The following GRXCR1 variants were observed in gnomAD, a reference collection of about 807,000 sequenced individuals.
The protein encoded by GRXCR1 is glutaredoxin and cysteine rich domain containing 1, also known as glutaredoxin domain-containing cysteine-rich protein 1.
A neutral mutation model predicts 27.3 loss-of-function variants in GRXCR1; 27 were observed. The ratio of observed to expected loss-of-function variants is 0.99; its 90% CI spans 0.73 to 1.37. The LOEUF (loss-of-function observed/expected upper bound fraction) is 1.37, where lower values mean the gene tolerates loss of function less well. GRXCR1 is among the 40% of genes most tolerant of loss of function. The pLI is 0.00. For missense variants in GRXCR1, 379 were observed against 354.4 expected (o/e 1.07, Z -0.56); for synonymous variants, 122 against 131.1 (o/e 0.93, Z 0.47).
At chr4:42,949,714 T>C (rs1747836508) in intron 1 of GRXCR1, among the ~76,000 whole-genome samples, 1 of 152,178 alleles carries the variant, frequency 6.6e-6, no homozygotes, top group South Asian at 2.1e-4. Context: ...CTTACTTCCC[T>C]GGAGTTCAGT....
At chr4:43,029,067 T>C (rs980474748) in intron 3 of GRXCR1, among the ~76,000 whole-genome samples, 1 of 152,224 alleles carries the variant, frequency 6.6e-6, no homozygotes, top group African/African-American at 2.4e-5. Flanking sequence ...CAATATTAGA[T>C]TGATGTTTTG....
chr4:42,988,560 G>T (rs1711854364), intron 2 of GRXCR1, among the ~76,000 whole-genome samples: 1 of 152,152 alleles, frequency 6.6e-6, no homozygotes, highest in African/African-American at 2.4e-5. Context: ...AATAAAAGTA[G>T]AATTAAATGT....
At chr4:42,931,440 G>T (rs1479250835) in intron 1 of GRXCR1, among the ~76,000 whole-genome samples, 3 of 151,794 alleles carry the variant, frequency 2.0e-5, no homozygotes, top group Non-Finnish European at 4.4e-5. Flanking sequence ...TTTTTTGTTG[G>T]TAGGGGGAGA....
intron 3 of GRXCR1, among the ~76,000 whole-genome samples, chr4:43,022,361 ATTC>A (rs906179033): frequency 7.2e-5 from 11 of 152,238 alleles, no homozygotes; most frequent in African/African-American, 2.4e-4. Context: ...TGAGTCTGTA[ATTC>A]TTCAATTCTA....
At chr4:42,924,606 G>A (rs1747103142) in intron 1 of GRXCR1, among the ~76,000 whole-genome samples, 1 of 151,936 alleles carries the variant, frequency 6.6e-6, no homozygotes, top group African/African-American at 2.4e-5. Context: ...TAACAAAAAT[G>A]TTTGGAAGAC....
intron 2 of GRXCR1, among the ~76,000 whole-genome samples, chr4:43,002,083 A>G (rs1172124419): frequency 6.6e-6 from 1 of 152,228 alleles, no homozygotes; most frequent in Non-Finnish European, 1.5e-5. Flanking sequence ...TCAGAATCGA[A>G]CAAATGTACA....
At chr4:42,981,229 G>C (rs993945611) in intron 2 of GRXCR1, among the ~76,000 whole-genome samples, 1 of 142,136 alleles carries the variant, frequency 7.0e-6, no homozygotes, top group Admixed American at 7.2e-5. Flanking sequence ...GCTATGCTTT[G>C]TAGTTATCAT....
At chr4:43,009,178 C>A (rs2109801395) in intron 2 of GRXCR1, among the ~76,000 whole-genome samples, 1 of 152,280 alleles carries the variant, frequency 6.6e-6, no homozygotes, top group Non-Finnish European at 1.5e-5. Flanking sequence ...TTTATTAATC[C>A]TCCATGGATA....
At chr4:42,899,272 C>T (rs1214296327) in intron 1 of GRXCR1, among the ~76,000 whole-genome samples, 1 of 152,010 alleles carries the variant, frequency 6.6e-6, no homozygotes, top group Non-Finnish European at 1.5e-5. Context: ...TGATCATTTT[C>T]AATCATTCAT....
intron 1 of GRXCR1, among the ~76,000 whole-genome samples, chr4:42,941,537 C>G (rs1157431492): frequency 1.3e-5 from 2 of 151,962 alleles, no homozygotes. Flanking sequence ...TTTTTCAGCT[C>G]CTGAAAAACC....
intron 2 of GRXCR1, among the ~76,000 whole-genome samples, chr4:42,978,451 C>A (rs1748574515): frequency 6.6e-6 from 1 of 151,810 alleles, no homozygotes; most frequent in African/African-American, 2.4e-5. Context: ...AATATCTGTT[C>A]ATTTATTTGT....
intron 1 of GRXCR1, among the ~76,000 whole-genome samples, chr4:42,934,882 A>T (rs1747421095): frequency 6.6e-6 from 1 of 151,996 alleles, no homozygotes; most frequent in African/African-American, 2.4e-5. Context: ...TCTTATGGTC[A>T]GTTACACTTT....
chr4:42,951,671 C>T (rs1013029839), intron 1 of GRXCR1, among the ~76,000 whole-genome samples: 1 of 152,138 alleles, frequency 6.6e-6, no homozygotes, highest in Non-Finnish European at 1.5e-5. Context: ...ACTTCTGCTT[C>T]TAGATCTTTG....
At chr4:42,928,728 A>G (rs1747229069) in intron 1 of GRXCR1, among the ~76,000 whole-genome samples, 1 of 151,904 alleles carries the variant, frequency 6.6e-6, no homozygotes, top group Non-Finnish European at 1.5e-5. Context: ...TCCATGGGAA[A>G]GGCAAGGCAA....
At position 42,893,854 on chromosome 4, in the gene GRXCR1, G is replaced by A. The variant is rs28550293; in HGVS notation, c.384+204G>A. On this transcript the variant is annotated intron_variant, in intron 1 of 3. Coordinates refer to ENST00000399770, the MANE Select transcript of GRXCR1 (RefSeq NM_001080476.3). ...TGGGAAAATAGACTGAGTTCTCAAA[G>A]CCAAATTTCTAACACATAAGTGGTC... is the stretch of plus-strand genomic sequence containing the variant. Among the ~76,000 whole-genome samples the A allele has an allele frequency of 0.31, 47,716 of 152,016 alleles. 8,334 individuals are homozygous for A. Among genetic ancestry groups the A allele is most frequent in the Non-Finnish European group, 0.4 (27,036 of 67,928 alleles).
chr4:42,939,145 GT>G (rs1190625258), intron 1 of GRXCR1, among the ~76,000 whole-genome samples: 2 of 151,928 alleles, frequency 1.3e-5, no homozygotes, highest in South Asian at 2.1e-4. Flanking sequence ...CATAAAATAT[GT>G]TTTTATTTTT....
intron 1 of GRXCR1, among the ~76,000 whole-genome samples, chr4:42,951,461 C>T (rs1747881524): frequency 6.6e-6 from 1 of 152,192 alleles, no homozygotes; most frequent in East Asian, 1.9e-4. Context: ...TGCACAGCAA[C>T]ATTTTTGTTC....
chr4:43,008,852 T>A (rs537154690), intron 2 of GRXCR1, among the ~76,000 whole-genome samples: 1 of 152,244 alleles, frequency 6.6e-6, no homozygotes, highest in Admixed American at 6.5e-5. Flanking sequence ...CTTAAAATTT[T>A]AAAAGACAAC....
At chr4:42,923,211 A>G (rs1747063150) in intron 1 of GRXCR1, among the ~76,000 whole-genome samples, 1 of 152,070 alleles carries the variant, frequency 6.6e-6, no homozygotes, top group Non-Finnish European at 1.5e-5. Context: ...ACAACTGCCT[A>G]CTCAATGGTC....
Sources: allele counts gnomAD v4.1 joint callset (sites outside exome capture counted in the v4.1 genomes callset), GRCh38; gene constraint gnomAD v4.1.1; transcripts MANE v1.5; gene names NCBI Gene and HGNC (gene_info 2026-07-23, HGNC 2026-07-21).